The following EIF3M variants were observed in gnomAD, a reference collection of about 807,000 sequenced individuals.
EIF3M encodes the protein B5 receptor.
In EIF3M, 25 loss-of-function variants were observed where a neutral mutation model predicts 49.7. The observed-to-expected ratio is 0.50, with a 90% confidence interval of 0.37 to 0.70. The LOEUF is 0.70. Ranked by LOEUF, EIF3M falls within the 30% of genes least tolerant of loss-of-function variation. The pLI is 0.00. For missense variants in EIF3M, 350 were observed against 440.0 expected (o/e 0.80, Z 1.83); for synonymous variants, 156 against 149.8 (o/e 1.04, Z -0.30).
intron 1 of EIF3M, chr11:32,584,211 T>A (rs1246950023): frequency 2.1e-6 from 1 of 487,796 alleles, no homozygotes; most frequent in African/African-American, 2.0e-5. Context: ...TGATGAGGAA[T>A]GATGTCTGCT....
chr11:32,602,040 G>C (rs1240045804), intron 10 of EIF3M: 1 of 848,536 alleles, frequency 1.2e-6, no homozygotes, highest in South Asian at 1.6e-5. Context: ...GCTGAGCATT[G>C]GCTAGAATAC....
intron 7 of EIF3M, 129 bp downstream of exon 7, chr11:32,595,142 T>A: frequency 1.4e-6 from 1 of 730,550 alleles, no homozygotes; most frequent in Non-Finnish European, 2.2e-6. Flanking sequence ...AAGAACTATG[T>A]ATTCTTTTTA....
chr11:32,589,416 TC>T, intron 4 of EIF3M, 130 bp from the exon 5 acceptor site: 1 of 927,474 alleles, frequency 1.1e-6, no homozygotes, highest in Non-Finnish European at 1.6e-6. Flanking sequence ...CTTCAGTTGA[TC>T]CTCCTGCCTT....
chr11:32,593,262 A>G (rs573777081), intron 5 of EIF3M, among the ~76,000 whole-genome samples: 1 of 152,346 alleles, frequency 6.6e-6, no homozygotes, highest in South Asian at 2.1e-4. Flanking sequence ...CTAAAAGTCC[A>G]GTTTGAATGA....
chr11:32,593,882 G>A lies in EIF3M; in HGVS notation c.550G>A (p.Val184Ile). 6.3e-7 allele frequency: 1 copy of A among 1,575,058 alleles called. No homozygotes were observed. The highest frequency in any genetic ancestry group is 8.6e-7 in the Non-Finnish European group (1 of 1,163,104). Residue 184 changes from valine to isoleucine, a missense_variant, in exon 6 of 11, where the codon GTC becomes ATC. Val to Ile is a conservative substitution (Grantham distance 29). Coordinates refer to ENST00000531120, the MANE Select transcript of EIF3M (RefSeq NM_006360.6). The part of the protein sequence containing the change: ...DCKKSDAASK[V>I]MVELLGSYTE... ...TCTTTTTAGTGATGCTGCTTCAAAA[G>A]TCATGGTGGAATTGCTCGGAAGTTA...
At position 32,602,179 on chromosome 11, in the gene EIF3M, T is replaced by C. The variant is rs116006893; in HGVS notation, c.1005-100T>C. The C allele has an allele frequency of 2.8e-3, 4,197 of 1,497,110 alleles. 104 individuals carry two copies. In the African/African-American group the frequency reaches 0.051, roughly 18 times the overall value. 92.7% of individuals were successfully genotyped at this position (1,497,110 alleles called of 1,614,324 possible). A position where few individuals can be genotyped will look rare whatever the true frequency, so the allele number is the denominator to read the frequency against. On this transcript the variant is annotated intron_variant, in intron 10 of 10. Coordinates refer to ENST00000531120, the MANE Select transcript of EIF3M (RefSeq NM_006360.6). ...CTCTTACTATTCTAAATTAGGTATATTTAATCTTGCTTTTAACTGGATTCA... is the reference window on the plus strand; with the variant it reads ...CTCTTACTATTCTAAATTAGGTATACTTAATCTTGCTTTTAACTGGATTCA...
chr11:32,593,873 G>C lies in EIF3M; in HGVS notation c.541G>C (p.Ala181Pro). Residue 181 changes from alanine to proline, a missense_variant, in exon 6 of 11, where the codon GCT becomes CCT. Transcript: ENST00000531120. ...AGCAATATTTCTTTTTAGTGATGCT[G>C]CTTCAAAAGTCATGGTGGAATTGCT... ...ALVDCKKSDA[A>P]SKVMVELLGS... The C allele has an allele frequency of 1.3e-6, 2 of 1,566,794 alleles. No individual in the cohort carries two copies. The highest frequency in any genetic ancestry group is 1.7e-6 in the Non-Finnish European group (2 of 1,160,860).
At chr11:32,584,233 A>C in intron 1 of EIF3M, 1 of 425,828 alleles carries the variant, frequency 2.3e-6, no homozygotes. Context: ...CCGTCCGTCA[A>C]ATGCAGCCAC....
chr11:32,594,121 G>C (rs1855144119), intron 6 of EIF3M, 172 bp downstream of exon 6: 4 of 409,294 alleles, frequency 9.8e-6, no homozygotes, highest in Non-Finnish European at 1.7e-5. Flanking sequence ...GTTTGATATT[G>C]GAAGAACTGT....
Position 32,593,884 on chromosome 11 carries a change from C to A in EIF3M, c.552C>A (p.Val184=), listed in dbSNP as rs1855139918. The A allele has an allele frequency of 1.3e-6, 2 of 1,574,904 alleles. No individual in the cohort carries two copies. The highest frequency in any genetic ancestry group is 1.7e-6 in the Non-Finnish European group (2 of 1,162,990). The change falls in exon 6 of 11, where the codon GTC becomes GTA. Residue 184 remains valine (V), a synonymous_variant. Coordinates refer to ENST00000531120, the MANE Select transcript of EIF3M (RefSeq NM_006360.6). ...TTTTTAGTGATGCTGCTTCAAAAGT[C>A]ATGGTGGAATTGCTCGGAAGTTACA... ...DCKKSDAASK[V]MVELLGSYTE... is the part of the protein sequence containing the mutation.
rs1855348839 is a variant in EIF3M at position 32,606,161 on chromosome 11, G to GA, written c.*3763dup. ...CTTTTCAAGTTACTTTGGACCCATA[G>GA]AGAGAAAGTGGATTGGTACTTAATA... is the stretch of plus-strand genomic sequence containing the variant. On this transcript the variant is annotated 3_prime_UTR_variant, in exon 11 of 11. Transcript: ENST00000531120. 6.6e-6 allele frequency: 1 copy of GA among 152,226 alleles called. No individual in the cohort carries two copies. Among genetic ancestry groups the GA allele is most frequent in the Admixed American group, 6.5e-5 (1 of 15,290 alleles). The allele number at this position is 152,226 out of a possible 1,614,324, so 9.4% of individuals were successfully genotyped here.
intron 8 of EIF3M, among the ~76,000 whole-genome samples, chr11:32,596,471 C>T (rs1047649273): frequency 7.9e-5 from 12 of 151,780 alleles, no homozygotes; most frequent in African/African-American, 2.7e-4. Context: ...GGCGGGTGCC[C>T]GTAGTCCCAG....
intron 5 of EIF3M, among the ~76,000 whole-genome samples, chr11:32,591,569 G>A (rs1178352994): frequency 6.6e-6 from 1 of 152,174 alleles, no homozygotes; most frequent in Non-Finnish European, 1.5e-5. Flanking sequence ...TTAATCAATA[G>A]TGCACTTTTT....
intron 9 of EIF3M, chr11:32,601,501 TAAAAAA>T (rs60498109): frequency 0.034 from 7,297 of 216,754 alleles, 97 homozygotes; most frequent in African/African-American, 0.065. Flanking sequence ...TAGCATTCTT[TAAAAAA>T]AAAAAAAAAA....
intron 1 of EIF3M, among the ~76,000 whole-genome samples, chr11:32,585,625 T>C (rs796163546): frequency 6.6e-6 from 1 of 152,212 alleles, no homozygotes; most frequent in Non-Finnish European, 1.5e-5. Context: ...GTTTCCTCCA[T>C]AGAGAAGCAT....
chr11:32,597,619 A>C (rs541881330), intron 8 of EIF3M, among the ~76,000 whole-genome samples: 3 of 152,304 alleles, frequency 2.0e-5, no homozygotes, highest in East Asian at 3.9e-4. Flanking sequence ...TCAATATTTT[A>C]ATTTCCTTCT....
At chr11:32,592,214 TC>T in intron 5 of EIF3M, 1 of 381,686 alleles carries the variant, frequency 2.6e-6, no homozygotes, top group Non-Finnish European at 5.0e-6. Flanking sequence ...AGTTGCTAGA[TC>T]CACTCCACAA....
At position 32,602,132 on chromosome 11, in the gene EIF3M, A is replaced by G. The variant is rs748766241; in HGVS notation, c.1005-147A>G. ...TCAATATGGTAAAGATTTTTTTTAA[A>G]TAATTATGTAATTCTTAAATTCTCT... On this transcript the variant is annotated intron_variant, in intron 10 of 10. Coordinates refer to ENST00000531120, the MANE Select transcript of EIF3M (RefSeq NM_006360.6). The G allele has an allele frequency of 2.4e-6, 3 of 1,231,138 alleles. No homozygotes were observed. In the South Asian group the frequency reaches 4.2e-5, roughly 17 times the overall value. The allele number at this position is 1,231,138 out of a possible 1,614,324, so 76.3% of individuals were successfully genotyped here. A position where few individuals can be genotyped will look rare whatever the true frequency, so the allele number is the denominator to read the frequency against.
chr11:32,584,497 A>G (rs1854961816), intron 1 of EIF3M, among the ~76,000 whole-genome samples: 1 of 151,210 alleles, frequency 6.6e-6, no homozygotes, highest in South Asian at 2.1e-4. Context: ...AGTCCCAGCT[A>G]CTGCCGAGGC....
Sources: gnomAD v4.1 joint callset for allele counts (sites outside exome capture counted in the v4.1 genomes callset) on GRCh38, gnomAD v4.1.1 for gene constraint, MANE v1.5 for transcripts, NCBI Gene and HGNC (gene_info 2026-07-23, HGNC 2026-07-21) for gene names.